The following SGIP1 variants were observed in gnomAD, a reference collection of about 807,000 sequenced individuals.
The protein encoded by SGIP1 is SH3-containing GRB2-like protein 3-interacting protein 1.
A neutral mutation model predicts 107.5 loss-of-function variants in SGIP1; 38 were observed. The observed-to-expected ratio is 0.35, with a 90% CI of 0.27 to 0.46. The LOEUF (loss-of-function observed/expected upper bound fraction) is 0.46, where lower values mean the gene tolerates loss of function less well. Among genes scored for constraint, SGIP1 ranks in the 20% least tolerant of loss-of-function variants. The pLI, the probability that SGIP1 is intolerant of heterozygous loss-of-function variation, is 1.00. For missense variants in SGIP1, 929 were observed against 1,019.5 expected (o/e 0.91, Z 1.21); for synonymous variants, 365 against 366.1 (o/e 1.00, Z 0.03).
intron 1 of SGIP1, among the ~76,000 whole-genome samples, chr1:66,556,285 G>T (rs181180577): frequency 1.2e-3 from 180 of 152,204 alleles, no homozygotes; most frequent in South Asian, 0.011. Context: ...CCTAGCTGGA[G>T]CTCTCCTTTT....
intron 7 of SGIP1, among the ~76,000 whole-genome samples, chr1:66,644,583 C>T (rs1463588121): frequency 6.6e-6 from 1 of 152,054 alleles, no homozygotes; most frequent in Non-Finnish European, 1.5e-5. Flanking sequence ...TACAGCATTC[C>T]CCCTGAACAG....
intron 4 of SGIP1, among the ~76,000 whole-genome samples, chr1:66,636,340 T>C (rs776566691): frequency 6.7e-4 from 102 of 152,344 alleles, no homozygotes; most frequent in Middle Eastern, 6.8e-3. Context: ...AATAGAAATA[T>C]CACCACATAA....
intron 1 of SGIP1, among the ~76,000 whole-genome samples, chr1:66,559,288 G>C (rs958846812): frequency 6.6e-6 from 1 of 152,076 alleles, no homozygotes; most frequent in African/African-American, 2.4e-5. Context: ...AAGCTGACAG[G>C]CTTGCCATTT....
intron 15 of SGIP1, among the ~76,000 whole-genome samples, chr1:66,688,736 T>C (rs2089091310): frequency 6.6e-6 from 1 of 152,214 alleles, no homozygotes; most frequent in Non-Finnish European, 1.5e-5. Context: ...TTCATCTTCC[T>C]TCAAGTTCTA....
At chr1:66,689,456 T>A (rs997515510) in intron 16 of SGIP1, among the ~76,000 whole-genome samples, 181 bp downstream of exon 16, 2 of 152,188 alleles carry the variant, frequency 1.3e-5, no homozygotes, top group Admixed American at 6.5e-5. Context: ...CTACCATCTT[T>A]CAAGCCAAGG....
intron 12 of SGIP1, among the ~76,000 whole-genome samples, chr1:66,673,811 AT>A (rs1263900972): frequency 6.6e-6 from 1 of 152,110 alleles, no homozygotes; most frequent in Non-Finnish European, 1.5e-5. Flanking sequence ...CATCAATTGG[AT>A]TGCTCACAAC....
chr1:66,616,600 C>T (rs1036224593), intron 1 of SGIP1, among the ~76,000 whole-genome samples: 2 of 152,178 alleles, frequency 1.3e-5, no homozygotes, highest in African/African-American at 4.8e-5. Flanking sequence ...AAAGCTCATA[C>T]TTTACAACTG....
intron 15 of SGIP1, 27 bp downstream of exon 15, chr1:66,682,396 T>C (rs2086937417): frequency 6.3e-7 from 1 of 1,579,858 alleles, no homozygotes; most frequent in Admixed American, 1.9e-5. Flanking sequence ...AGTGTGCTTC[T>C]TGTGACGGGG....
At chr1:66,639,083 G>A (rs1212126143) in intron 4 of SGIP1, among the ~76,000 whole-genome samples, 1 of 152,214 alleles carries the variant, frequency 6.6e-6, no homozygotes, top group Non-Finnish European at 1.5e-5. Context: ...AAAACTTTAA[G>A]AAGAGAGTAG....
At chr1:66,733,642 C>CA in intron 20 of SGIP1, 106 bp from the exon 21 acceptor site, 4 of 1,212,728 alleles carry the variant, frequency 3.3e-6, no homozygotes, top group East Asian at 4.8e-5. Context: ...TACAAATTGT[C>CA]AAAAAATGGC....
At chr1:66,686,120 G>C (rs1044470483) in intron 15 of SGIP1, among the ~76,000 whole-genome samples, 1 of 152,234 alleles carries the variant, frequency 6.6e-6, no homozygotes, top group Non-Finnish European at 1.5e-5. Flanking sequence ...GTTTAAAAAG[G>C]TAACTTAGCT....
At chr1:66,600,271 C>G (rs1307734003) in intron 1 of SGIP1, among the ~76,000 whole-genome samples, 2 of 152,060 alleles carry the variant, frequency 1.3e-5, no homozygotes, top group African/African-American at 2.4e-5. Flanking sequence ...AAATTCTTAT[C>G]CAAGGTCGAA....
chr1:66,623,671 T>C (rs2071809327), intron 1 of SGIP1, among the ~76,000 whole-genome samples: 1 of 152,224 alleles, frequency 6.6e-6, no homozygotes, highest in East Asian at 1.9e-4. Flanking sequence ...AAAAACATCA[T>C]TTCCAGTGAA....
chr1:66,541,411 G>C (rs908649007), intron 1 of SGIP1, among the ~76,000 whole-genome samples: 2 of 152,162 alleles, frequency 1.3e-5, no homozygotes, highest in Non-Finnish European at 2.9e-5. Flanking sequence ...GTGCCCCTTG[G>C]GCTCATTCTT....
chr1:66,607,561 A>T (rs1284515801), intron 1 of SGIP1, among the ~76,000 whole-genome samples: 1 of 152,212 alleles, frequency 6.6e-6, no homozygotes. Flanking sequence ...AAAACTGACA[A>T]TTCAGAGATA....
intron 4 of SGIP1, among the ~76,000 whole-genome samples, chr1:66,639,213 TG>T (rs1275752632): frequency 5.9e-5 from 9 of 152,210 alleles, no homozygotes; most frequent in Admixed American, 3.3e-4. Context: ...AAAAGCCATT[TG>T]AAAAAAACAT....
At chr1:66,678,401 A>G (rs983596602) in intron 13 of SGIP1, among the ~76,000 whole-genome samples, 1 of 152,244 alleles carries the variant, frequency 6.6e-6, no homozygotes, top group African/African-American at 2.4e-5. Flanking sequence ...GATGTGCATT[A>G]TATCATTCTG....
intron 1 of SGIP1, among the ~76,000 whole-genome samples, chr1:66,553,697 C>G (rs1426343085): frequency 1.3e-5 from 2 of 151,410 alleles, no homozygotes; most frequent in Admixed American, 6.6e-5. Context: ...AAAATGAGAC[C>G]AAGGAAAGTG....
intron 11 of SGIP1, among the ~76,000 whole-genome samples, chr1:66,672,265 T>C (rs749487916): frequency 6.6e-6 from 1 of 152,172 alleles, no homozygotes; most frequent in East Asian, 1.9e-4. Context: ...AGCTAAAGTT[T>C]CTCTCTAAAG....
Sources: allele counts gnomAD v4.1 joint callset (sites outside exome capture counted in the v4.1 genomes callset), GRCh38; gene constraint gnomAD v4.1.1; transcripts MANE v1.5; gene names NCBI Gene and HGNC (gene_info 2026-07-23, HGNC 2026-07-21).